PRKCB: variants seen among roughly 807,000 people sequenced by gnomAD.
PRKCB encodes the protein protein kinase C beta, also known as protein kinase C beta type.
Under a neutral mutation model 81.5 loss-of-function variants are expected in PRKCB, and 13 were observed. The observed-to-expected ratio is 0.16, with a 90% CI of 0.10 to 0.25. PRKCB has a LOEUF of 0.25. Ranked by LOEUF, PRKCB falls within the 10% of genes least tolerant of loss-of-function variation. PRKCB has a pLI of 1.00. For missense variants in PRKCB, 509 were observed against 875.7 expected (o/e 0.58, Z 5.29); for synonymous variants, 335 against 321.4 (o/e 1.04, Z -0.45).
intron 10 of PRKCB, among the ~76,000 whole-genome samples, chr16:24,161,309 G>A (rs948762203): frequency 6.6e-6 from 1 of 152,048 alleles, no homozygotes; most frequent in African/African-American, 2.4e-5. Context: ...GCACAGCACG[G>A]TGTTAACAGA....
At chr16:23,936,732 T>G (rs1964064335) in intron 2 of PRKCB, among the ~76,000 whole-genome samples, 1 of 152,110 alleles carries the variant, frequency 6.6e-6, no homozygotes, top group Non-Finnish European at 1.5e-5. Context: ...ATTCATTTTT[T>G]AATAGATGTA....
At chr16:24,167,208 T>G (rs1967361416) in intron 10 of PRKCB, among the ~76,000 whole-genome samples, 1 of 152,086 alleles carries the variant, frequency 6.6e-6, no homozygotes, top group South Asian at 2.1e-4. Flanking sequence ...CTGTCTGCAT[T>G]TTGCCACCAA....
At chr16:24,056,585 A>G (rs908371250) in intron 5 of PRKCB, among the ~76,000 whole-genome samples, 1 of 152,076 alleles carries the variant, frequency 6.6e-6, no homozygotes, top group African/African-American at 2.4e-5. Flanking sequence ...TGGGGCAGAC[A>G]CCTCATGCCT....
intron 9 of PRKCB, among the ~76,000 whole-genome samples, chr16:24,125,950 A>G (rs1281566030): frequency 1.3e-5 from 2 of 152,258 alleles, no homozygotes; most frequent in Non-Finnish European, 2.9e-5. Flanking sequence ...GGTTTTTACC[A>G]GCAGCTCTGA....
At position 24,215,638 on chromosome 16, in the gene PRKCB, G is replaced by T; in HGVS notation, c.*822G>T. ...GTTTTGTTTCTGTTGTTGTTCAAAT[G>T]CAAAAAAAAGAAAAAAAAAGAAAAA... On this transcript the variant is annotated 3_prime_UTR_variant, in exon 17 of 17. Transcript: ENST00000643927. 2.0e-6 allele frequency: 2 copies of T among 979,648 alleles called. No homozygotes were observed. The highest frequency in any genetic ancestry group is 2.4e-6 in the Non-Finnish European group (2 of 827,890). The allele number at this position is 979,648 out of a possible 1,614,324, so 60.7% of individuals were successfully genotyped here. A position where few individuals can be genotyped will look rare whatever the true frequency, so the allele number is the denominator to read the frequency against.
At position 24,109,605 on chromosome 16, in the gene PRKCB, C is replaced by T. The variant is rs1463439450; in HGVS notation, c.822-3368C>T. ...AGGTGGGATGGCGGCCGGGCGGAGA[C>T]GCTCCTCACTTTCCAGACTGGGCAG... On this transcript the variant is annotated intron_variant, in intron 7 of 16. Coordinates refer to ENST00000643927, the MANE Select transcript of PRKCB (RefSeq NM_002738.7). 1.7e-4 allele frequency among the ~76,000 whole-genome samples: 22 copies of T among 128,930 alleles called. 1 individual carries two copies. The highest frequency in any genetic ancestry group is 2.9e-4 in the Non-Finnish European group (19 of 64,626). The allele number at this position is 128,930 out of a possible 152,430, so 84.6% of individuals were successfully genotyped here.
intron 2 of PRKCB, among the ~76,000 whole-genome samples, chr16:23,923,397 A>T (rs1963853114): frequency 6.6e-6 from 1 of 151,972 alleles, no homozygotes; most frequent in Non-Finnish European, 1.5e-5. Context: ...AGAGAAGAGC[A>T]CCTCTTTCTC....
intron 3 of PRKCB, among the ~76,000 whole-genome samples, chr16:24,009,711 A>G (rs936049707): frequency 6.6e-6 from 1 of 151,952 alleles, no homozygotes; most frequent in Middle Eastern, 3.2e-3. Flanking sequence ...CCTGCTTTTG[A>G]GCACTTAAAA....
intron 10 of PRKCB, among the ~76,000 whole-genome samples, chr16:24,156,820 C>G (rs1488442093): frequency 6.6e-6 from 1 of 152,158 alleles, no homozygotes; most frequent in Non-Finnish European, 1.5e-5. Flanking sequence ...CTTACCTTCT[C>G]CCTTTTCCAT....
rs534890036 is a variant in PRKCB at position 24,015,691 on chromosome 16, T to C, written c.289-16445T>C. Among the ~76,000 whole-genome samples the C allele has an allele frequency of 2.0e-5, 3 of 152,370 alleles. No individual in the cohort carries two copies. The South Asian group carries it at 6.2e-4, about 32-fold the overall frequency. Reference sequence around the variant, plus strand: ...TGACTCTATCCAGCCGACACTCTCCTTGTAAATTCTCTAAGCACTGAGTGT... The same window carrying C: ...TGACTCTATCCAGCCGACACTCTCCCTGTAAATTCTCTAAGCACTGAGTGT... On this transcript the variant is annotated intron_variant, in intron 3 of 16. Transcript: ENST00000643927.
rs1968251862 is a variant in PRKCB at position 24,217,731 on chromosome 16, G to C, written c.*2915G>C. On this transcript the variant is annotated 3_prime_UTR_variant, in exon 17 of 17. Transcript: ENST00000643927. ...TCTTTGATAAGAGGCCCACAGGCAG[G>C]GAAAGCGAAATAGGGTTGATGAGAC... The C allele has an allele frequency of 3.0e-6, 3 of 985,292 alleles. No homozygotes were observed. The highest frequency in any genetic ancestry group is 3.6e-6 in the Non-Finnish European group (3 of 829,962). 61.0% of individuals were successfully genotyped at this position (985,292 alleles called of 1,614,324 possible).
At chr16:23,969,986 G>A (rs1180256628) in intron 2 of PRKCB, among the ~76,000 whole-genome samples, 1 of 152,112 alleles carries the variant, frequency 6.6e-6, no homozygotes, top group Non-Finnish European at 1.5e-5. Flanking sequence ...AAAGTTCCAG[G>A]CTATTTTTGA....
chr16:24,215,570 G>A lies in PRKCB; in HGVS notation c.*754G>A. Reference sequence around the variant, plus strand: ...AGTCACTCTAGCAAGGCCCCCAAAGGGCCCTGGTTTTACATTACATTTCAA... The same window carrying A: ...AGTCACTCTAGCAAGGCCCCCAAAGAGCCCTGGTTTTACATTACATTTCAA... On this transcript the variant is annotated 3_prime_UTR_variant, in exon 17 of 17. Coordinates refer to ENST00000643927, the MANE Select transcript of PRKCB (RefSeq NM_002738.7). The A allele has an allele frequency of 2.0e-6, 2 of 985,504 alleles. No individual in the cohort carries two copies. The highest frequency in any genetic ancestry group is 2.4e-6 in the Non-Finnish European group (2 of 829,868). 61.0% of individuals were successfully genotyped at this position (985,504 alleles called of 1,614,324 possible). A position where few individuals can be genotyped will look rare whatever the true frequency, so the allele number is the denominator to read the frequency against.
intron 5 of PRKCB, among the ~76,000 whole-genome samples, chr16:24,075,831 A>G (rs1157435091): frequency 1.3e-5 from 2 of 152,230 alleles, no homozygotes; most frequent in African/African-American, 4.8e-5. Context: ...AGTGGTTTTC[A>G]TACATGAGTG....
At chr16:23,849,765 T>A (rs1298214550) in intron 2 of PRKCB, among the ~76,000 whole-genome samples, 1 of 152,234 alleles carries the variant, frequency 6.6e-6, no homozygotes, top group African/African-American at 2.4e-5. Flanking sequence ...TTTTGATACA[T>A]ATATACAATG....
At chr16:24,109,375 T>C (rs1966639843) in intron 7 of PRKCB, among the ~76,000 whole-genome samples, 1 of 118,222 alleles carries the variant, frequency 8.5e-6, no homozygotes, top group African/African-American at 3.9e-5. Flanking sequence ...GCGGAGGGGC[T>C]CCTCACTTCT....
chr16:23,943,171 A>T (rs927515291), intron 2 of PRKCB, among the ~76,000 whole-genome samples: 1 of 152,136 alleles, frequency 6.6e-6, no homozygotes, highest in Non-Finnish European at 1.5e-5. Flanking sequence ...GAAGCTTCGG[A>T]GTGTTCTCCA....
intron 9 of PRKCB, among the ~76,000 whole-genome samples, chr16:24,148,471 A>C (rs780716265): frequency 6.6e-6 from 1 of 152,182 alleles, no homozygotes; most frequent in Non-Finnish European, 1.5e-5. Flanking sequence ...AATTAATGTT[A>C]ACTGAAAGAA....
intron 2 of PRKCB, among the ~76,000 whole-genome samples, chr16:23,896,308 C>T (rs1963378653): frequency 6.6e-6 from 1 of 151,776 alleles, no homozygotes; most frequent in African/African-American, 2.4e-5. Context: ...TTTTTTGGAC[C>T]CATTTCCCTC....
Sources: allele counts gnomAD v4.1 joint callset (sites outside exome capture counted in the v4.1 genomes callset), GRCh38; gene constraint gnomAD v4.1.1; transcripts MANE v1.5; gene names NCBI Gene and HGNC (gene_info 2026-07-23, HGNC 2026-07-21).